Variants in COQ2 observed in about 807,000 individuals in gnomAD.
COQ2 encodes 4-hydroxybenzoate polyprenyltransferase, mitochondrial.
COQ2 carries 25 observed loss-of-function variants against 35.7 expected under a neutral mutation model. That is an observed-to-expected ratio of 0.70 (90% confidence interval 0.51 to 0.98). The LOEUF is 0.98. Among genes scored for constraint, COQ2 ranks in the 50% least tolerant of loss-of-function variants. The pLI is 0.00. For missense variants in COQ2, 488 were observed against 473.5 expected (o/e 1.03, Z -0.28); for synonymous variants, 206 against 186.2 (o/e 1.11, Z -0.86).
chr4:83,283,359 A>G lies in COQ2; in HGVS notation c.253+1153T>C, dbSNP rs534356411. ...CCTCCACGCTATCCAGCTTCTTCAG[A>G]TATGTTCTTGTCTAGTCTCGTTTCC... On this transcript the variant is annotated intron_variant, in intron 1 of 6. Transcript: ENST00000647002. The G allele has an allele frequency of 1.4e-5, 14 of 985,288 alleles. No homozygotes were observed. In the African/African-American group the frequency reaches 2.3e-4, roughly 16 times the overall value. The allele number at this position is 985,288 out of a possible 1,614,324, so 61.0% of individuals were successfully genotyped here.
chr4:83,267,953 C>T (rs968681444), intron 5 of COQ2, among the ~76,000 whole-genome samples, 179 bp from the exon 6 acceptor site: 4 of 152,034 alleles, frequency 2.6e-5, no homozygotes, highest in African/African-American at 9.7e-5. Flanking sequence ...ATACCATAAG[C>T]GGTGAAAGAT....
chr4:83,274,258 A>G (rs28691595), intron 2 of COQ2, among the ~76,000 whole-genome samples: 96,180 of 152,008 alleles, frequency 0.63, 30,743 homozygotes, highest in East Asian at 0.85. Flanking sequence ...AAGTGGCACA[A>G]TCTCAGCTCA....
rs1337478081 is a variant in COQ2, at chr4:83,284,780, G to T, written c.-16C>A. ...AGCCCAGCATGGCGCTGGTGAGGCC[G>T]GGACGAGCTCGGATTGACGTCATTC... On this transcript the variant is annotated 5_prime_UTR_variant, in exon 1 of 7. Coordinates refer to ENST00000647002, the MANE Select transcript of COQ2 (RefSeq NM_001358921.2). The T allele has an allele frequency of 6.4e-6, 10 of 1,563,484 alleles. No homozygotes were observed. Among genetic ancestry groups the T allele is most frequent in the Admixed American group, 5.5e-5 (3 of 54,506 alleles).
Position 83,272,064 on chromosome 4 carries a change from ACTT to A in COQ2, c.628+20_628+22del, listed in dbSNP as rs752621367. Reference sequence around the variant, plus strand: ...GTAGTTTGCAAATATCAAAGGAAATACTTTTAGTTATTGTAAGCTCACCCAAGG... The same window carrying A: ...GTAGTTTGCAAATATCAAAGGAAATATTAGTTATTGTAAGCTCACCCAAGG... On this transcript the variant is annotated intron_variant, in intron 4 of 6. Transcript: ENST00000647002. 1 of 1,477,688 alleles carries A rather than the reference ACTT, an allele frequency of 6.8e-7. No homozygotes were observed. The highest frequency in any genetic ancestry group is 9.3e-7 in the Non-Finnish European group (1 of 1,069,528). 91.5% of individuals were successfully genotyped at this position (1,477,688 alleles called of 1,614,324 possible).
chr4:83,272,917 G>T (rs1218035769), intron 3 of COQ2, among the ~76,000 whole-genome samples: 1 of 152,142 alleles, frequency 6.6e-6, no homozygotes, highest in Non-Finnish European at 1.5e-5. Flanking sequence ...GGCAAGGCAC[G>T]CAATTAAGTC....
In COQ2 at chr4:83,278,958, T is replaced by C. The variant is rs374272147; in HGVS notation, c.410A>G (p.Tyr137Cys). The change falls in exon 2 of 7, where the codon TAT becomes TGT. Residue 137 changes from tyrosine to cysteine, a missense_variant. Tyr to Cys is a radical substitution (Grantham distance 194, BLOSUM62 -2). Coordinates refer to ENST00000647002, the MANE Select transcript of COQ2 (RefSeq NM_001358921.2). ...TCAGGATGAAATTACCTTTTTATCATAGTCCTGGTCCCACATGTCATTAAT... is the reference window on the plus strand; with the variant it reads ...TCAGGATGAAATTACCTTTTTATCACAGTCCTGGTCCCACATGTCATTAAT... The part of the protein sequence containing the change: ...CTINDMWDQD[Y>C]DKKVTRTANR... 16 of 1,589,468 alleles carry C rather than the reference T, an allele frequency of 1.0e-5. No homozygotes were observed. Among genetic ancestry groups the C allele is most frequent in the Non-Finnish European group, 1.2e-5 (14 of 1,170,500 alleles).
At chr4:83,267,334 A>ACT in intron 6 of COQ2, 1 of 422,020 alleles carries the variant, frequency 2.4e-6, no homozygotes, top group Non-Finnish European at 4.3e-6. Flanking sequence ...CTGTGATTGC[A>ACT]CCACTGCACT....
Position 83,269,994 on chromosome 4 carries a change from C to T in COQ2, c.629-1G>A. On this transcript the variant is annotated splice_acceptor_variant, in intron 4 of 6. Transcript: ENST00000647002. LOFTEE classifies it high-confidence loss of function. ...AACGCTCCCCAATTAAATGTCAAGC[C>T]TACAATTAGCAAAACACAAAAAGGG... 1 of 1,612,892 alleles carries T rather than the reference C, an allele frequency of 6.2e-7. No homozygotes were observed. Among genetic ancestry groups the T allele is most frequent in the Non-Finnish European group, 8.5e-7 (1 of 1,179,536 alleles).
chr4:83,284,847 A>T (rs767479455), upstream of COQ2: 3 of 1,550,738 alleles, frequency 1.9e-6, no homozygotes, highest in East Asian at 2.4e-5. Context: ...ATGCAATCCT[A>T]GTCTGCCAGG....
chr4:83,265,841 T>G (rs7668388), intron 6 of COQ2, among the ~76,000 whole-genome samples: 62,073 of 151,662 alleles, frequency 0.41, 15,176 homozygotes, highest in African/African-American at 0.69. Context: ...ATTTTTGTAT[T>G]ATTAGTAGAG....
At chr4:83,269,762 A>T in intron 5 of COQ2, 98 bp downstream of exon 5, 1 of 1,120,678 alleles carries the variant, frequency 8.9e-7, no homozygotes, top group Non-Finnish European at 1.2e-6. Flanking sequence ...GTTCTTAAAA[A>T]ACAACAACAA....
At chr4:83,269,587 G>T (rs1488295257) in intron 5 of COQ2, among the ~76,000 whole-genome samples, 3 of 152,126 alleles carry the variant, frequency 2.0e-5, no homozygotes, top group Non-Finnish European at 2.9e-5. Flanking sequence ...TTAAAACAGT[G>T]CCTGGCACAT....
intron 5 of COQ2, among the ~76,000 whole-genome samples, chr4:83,269,037 T>A (rs897704076): frequency 1.3e-5 from 2 of 152,106 alleles, no homozygotes; most frequent in African/African-American, 2.4e-5. Flanking sequence ...AAGAAAAAAA[T>A]GAGTTTTTAA....
intron 1 of COQ2, chr4:83,283,371 C>CAGATA (rs1205447986): frequency 1.2e-5 from 12 of 985,282 alleles, no homozygotes; most frequent in Middle Eastern, 1.0e-3. Context: ...ATGTTCTTGT[C>CAGATA]TAGTCTCGTT....
rs925392145 is a variant in COQ2, at chr4:83,267,771, T to G, written c.766A>C (p.Lys256Gln). Reference protein sequence around the residue: ...IYDTIYAHQDKRDDVLIGLKS... With the variant: ...IYDTIYAHQDQRDDVLIGLKS... ...AGACCAATCAAAACATCATCTCTTT[T>G]GTCCTAATATCAGAAAGAAAAATAA... The change falls in exon 6 of 7, where the codon AAA becomes CAA. Residue 256 changes from lysine (K) to glutamine (Q), a missense_variant. Lys to Gln is a moderately conservative substitution (Grantham distance 53). Coordinates refer to ENST00000647002, the MANE Select transcript of COQ2 (RefSeq NM_001358921.2). 6.5e-7 allele frequency: 1 copy of G among 1,539,830 alleles called. No individual in the cohort carries two copies. Among genetic ancestry groups the G allele is most frequent in the African/African-American group, 1.4e-5 (1 of 72,504 alleles).
In COQ2 at chr4:83,272,093, C is replaced by A; in HGVS notation, c.622G>T (p.Ala208Ser). Reference sequence around the variant, plus strand: ...TTAGTTATTGTAAGCTCACCCAAGGCTAGTTGAGGCCAGTATGAAATTCTT... The same window carrying A: ...TTAGTTATTGTAAGCTCACCCAAGGATAGTTGAGGCCAGTATGAAATTCTT... ...MKRISYWPQL[A>S]LGLTFNWGAL... Residue 208 changes from alanine to serine, a missense_variant, in exon 4 of 7, where the codon GCC becomes TCC. By Grantham distance (99) the Ala-to-Ser change is moderately conservative (BLOSUM62 1). Transcript: ENST00000647002. 1 of 1,601,242 alleles carries A rather than the reference C, an allele frequency of 6.2e-7. No individual in the cohort carries two copies. The highest frequency in any genetic ancestry group is 8.5e-7 in the Non-Finnish European group (1 of 1,172,208).
Position 83,267,630 on chromosome 4 carries a change from A to G in COQ2, c.907T>C (p.Tyr303His), listed in dbSNP as rs1734951646. The G allele has an allele frequency of 1.9e-6, 3 of 1,585,814 alleles. No individual in the cohort carries two copies. The highest frequency in any genetic ancestry group is 2.6e-6 in the Non-Finnish European group (3 of 1,166,104). The change falls in exon 6 of 7, where the codon TAC becomes CAC. Residue 303 changes from tyrosine to histidine, a missense_variant. Transcript: ENST00000647002. ...VGVNSGQTAP[Y>H]YAALGAVGAH... ...CCTACAGCACCCAGGGCAGCGTAGT[A>G]GGGAGCAGTCTGTCCACTGTTCACA...
Position 83,272,159 on chromosome 4 carries a change from C to G in COQ2, c.556G>C (p.Ala186Pro), listed in dbSNP as rs1735064364. The change falls in exon 4 of 7, where the codon GCA (alanine) becomes CCA (proline). Residue 186 changes from alanine (A) to proline (P), a missense_variant. Coordinates refer to ENST00000647002, the MANE Select transcript of COQ2 (RefSeq NM_001358921.2). ...GTGATGACAAGAAGTAAGGATCCTG[C>G]TCCCAGAGCTATACTGAAAAGAGGA... ...CLNYYSIALGAGSLLLVITYP... is the reference protein window; with the variant it reads ...CLNYYSIALGPGSLLLVITYP... The G allele has an allele frequency of 6.2e-7, 1 of 1,608,562 alleles. No individual in the cohort carries two copies. The highest frequency in any genetic ancestry group is 8.5e-7 in the Non-Finnish European group (1 of 1,176,970).
chr4:83,285,046 C>T (rs1389958264), upstream of COQ2: 2 of 644,828 alleles, frequency 3.1e-6, no homozygotes, highest in Non-Finnish European at 5.0e-6. Context: ...GTTCCATTAT[C>T]GGGCAACACT....
Sources: allele counts gnomAD v4.1 joint callset (sites outside exome capture counted in the v4.1 genomes callset), GRCh38; gene constraint gnomAD v4.1.1; transcripts MANE v1.5; gene names NCBI Gene and HGNC (gene_info 2026-07-23, HGNC 2026-07-21).